The following C14orf132 variants were observed in gnomAD, a reference collection of about 807,000 sequenced individuals.
The protein encoded by C14orf132 is uncharacterized protein C14orf132.
In C14orf132, 6 loss-of-function variants were observed where a neutral mutation model predicts 5.8. The ratio of observed to expected loss-of-function variants is 1.03; its 90% confidence interval spans 0.57 to 2.04. The LOEUF is 2.04. C14orf132 is among the 30% of genes most tolerant of loss of function. The pLI is 0.00. For synonymous variants in C14orf132, 51 were observed against 49.8 expected, an observed-to-expected ratio of 1.02 and a Z score of -0.10; for missense variants, 125 against 115.8, an observed-to-expected ratio of 1.08 and a Z score of -0.37.
rs1218916410 is a variant in C14orf132, at chr14:96,091,030, G to A, written c.*4295G>A. The A allele has an allele frequency of 4.4e-6, 2 of 455,958 alleles. No individual in the cohort carries two copies. The highest frequency in any genetic ancestry group is 4.0e-5 in the African/African-American group (2 of 50,080). The allele number at this position is 455,958 out of a possible 1,614,324, so 28.2% of individuals were successfully genotyped here. On this transcript the variant is annotated 3_prime_UTR_variant, in exon 2 of 2. Coordinates refer to ENST00000555004, the MANE Select transcript of C14orf132 (RefSeq NM_001252507.3). ...CTCATTTACTTCTCAAATTGCCCCT[G>A]GGGGCAGGAATGAGGATGCAGAGAG...
chr14:96,040,195 A>G (rs78170889), intron 1 of C14orf132: 2 of 301,812 alleles, frequency 6.6e-6, no homozygotes, highest in South Asian at 1.5e-4. Flanking sequence ...TCACAGCTTG[A>G]ATTTTCCTCC....
At chr14:96,069,256 C>CATATATATATATAT (rs55648129) in intron 1 of C14orf132, among the ~76,000 whole-genome samples, 1 of 95,262 alleles carries the variant, frequency 1.0e-5, no homozygotes, top group Non-Finnish European at 2.2e-5. Flanking sequence ...TGTTTATGTT[C>CATATATATATATAT]ATATATATAT....
intron 1 of C14orf132, 102 bp from the exon 2 acceptor site, chr14:96,086,409 T>C (rs1888185971): frequency 9.9e-7 from 1 of 1,010,646 alleles, no homozygotes; most frequent in Non-Finnish European, 1.5e-6. Context: ...GTAGAGATCG[T>C]AGCTTCATGT....
intron 1 of C14orf132, among the ~76,000 whole-genome samples, chr14:96,061,879 A>G (rs1887368157): frequency 6.6e-6 from 1 of 152,168 alleles, no homozygotes; most frequent in African/African-American, 2.4e-5. Flanking sequence ...AACTGCATTC[A>G]GCCTGGGTGG....
At chr14:96,071,532 G>A (rs1026981956) in intron 1 of C14orf132, among the ~76,000 whole-genome samples, 1 of 152,190 alleles carries the variant, frequency 6.6e-6, no homozygotes, top group African/African-American at 2.4e-5. Flanking sequence ...CAAGTGTTCT[G>A]ATTGCCATCA....
chr14:96,043,376 T>C (rs1222827980), intron 1 of C14orf132, among the ~76,000 whole-genome samples: 2 of 152,206 alleles, frequency 1.3e-5, no homozygotes, highest in Non-Finnish European at 2.9e-5. Flanking sequence ...GGGAATGGGA[T>C]GGACAACAGA....
chr14:96,086,565 G>C lies in C14orf132; in HGVS notation c.82G>C (p.Glu28Gln). The change falls in exon 2 of 2, where the codon GAG becomes CAG. Residue 28 changes from glutamate to glutamine, a missense_variant. By Grantham distance (29) the Glu-to-Gln change is conservative. Transcript: ENST00000555004. ...MDSPNEDFSTEYSLFNSSANV... is the reference protein window; with the variant it reads ...MDSPNEDFSTQYSLFNSSANV... ...CTCGCCCAACGAGGACTTCAGCACCGAGTACTCCCTGTTTAACTCCTCTGC... is the reference window on the plus strand; with the variant it reads ...CTCGCCCAACGAGGACTTCAGCACCCAGTACTCCCTGTTTAACTCCTCTGC... The C allele has an allele frequency of 6.5e-7, 1 of 1,536,106 alleles. No individual in the cohort carries two copies. Among genetic ancestry groups the C allele is most frequent in the Non-Finnish European group, 8.7e-7 (1 of 1,146,898 alleles).
Position 96,086,549 on chromosome 14 carries a change from C to T in C14orf132, c.66C>T (p.Asn22=), listed in dbSNP as rs761816827. 2.5e-5 allele frequency: 39 copies of T among 1,535,986 alleles called. No homozygotes were observed. Among genetic ancestry groups the T allele is most frequent in the Middle Eastern group, 1.7e-4 (1 of 6,012 alleles). The change falls in exon 2 of 2, where the codon AAC becomes AAT. Residue 22 remains asparagine (N), a synonymous_variant. Transcript: ENST00000555004. The part of the protein sequence containing the change: ...MMGGAFMDSP[N]EDFSTEYSLF... The stretch of plus-strand genomic sequence containing the variant: ...GGGGAGCTTTCATGGACTCGCCCAA[C>T]GAGGACTTCAGCACCGAGTACTCCC...
intron 1 of C14orf132, among the ~76,000 whole-genome samples, chr14:96,044,826 G>C (rs1886791296): frequency 6.6e-6 from 1 of 152,160 alleles, no homozygotes; most frequent in South Asian, 2.1e-4. Context: ...GAGGACACCA[G>C]CCATATTGGC....
At chr14:96,052,691 C>T (rs971564539) in intron 1 of C14orf132, among the ~76,000 whole-genome samples, 13 of 152,180 alleles carry the variant, frequency 8.5e-5, no homozygotes, top group African/African-American at 3.1e-4. Flanking sequence ...CGGACAGCAC[C>T]AAGTCCCCCA....
intron 1 of C14orf132, among the ~76,000 whole-genome samples, chr14:96,077,878 G>T (rs930363194): frequency 3.9e-5 from 6 of 152,246 alleles, no homozygotes; most frequent in Admixed American, 3.9e-4. Flanking sequence ...AGTTATCAGA[G>T]CCTTTACTGT....
At chr14:96,068,253 C>T (rs945743728) in intron 1 of C14orf132, among the ~76,000 whole-genome samples, 7 of 152,172 alleles carry the variant, frequency 4.6e-5, no homozygotes, top group African/African-American at 1.4e-4. Flanking sequence ...TTCAGCAAAA[C>T]GGCCAGATTT....
At chr14:96,064,269 T>A (rs1341176078) in intron 1 of C14orf132, among the ~76,000 whole-genome samples, 2 of 151,760 alleles carry the variant, frequency 1.3e-5, no homozygotes, top group Non-Finnish European at 2.9e-5. Flanking sequence ...TGCACAGGCA[T>A]GTTTATAGCA....
Position 96,043,991 on chromosome 14 carries a change from A to G in C14orf132, c.27+4464A>G, listed in dbSNP as rs905250867. ...AAAGGGAGATTTGGAATGAATAGCCAGGGAGGCTCAGCCGGCAAACAGAGG... is the reference window on the plus strand; with the variant it reads ...AAAGGGAGATTTGGAATGAATAGCCGGGGAGGCTCAGCCGGCAAACAGAGG... On this transcript the variant is annotated intron_variant, in intron 1 of 1. Transcript: ENST00000555004. Among the ~76,000 whole-genome samples the G allele has an allele frequency of 3.4e-4, 51 of 152,160 alleles. 1 individual carries two copies. The highest frequency in any genetic ancestry group is 1.2e-4 in the Non-Finnish European group (8 of 68,042).
Position 96,083,402 on chromosome 14 carries a change from C to T in C14orf132, c.28-3109C>T, listed in dbSNP as rs57766204. 4.3e-4 allele frequency among the ~76,000 whole-genome samples: 65 copies of T among 152,268 alleles called. No individual in the cohort carries two copies. The East Asian group carries it at 0.01, about 24-fold the overall frequency. On this transcript the variant is annotated intron_variant, in intron 1 of 1. Coordinates refer to ENST00000555004, the MANE Select transcript of C14orf132 (RefSeq NM_001252507.3). Reference sequence around the variant, plus strand: ...ACCAAGGATGTCCACGTCCTAACCCCTAGAACCTGTGGATGGATTACCGTT... The same window carrying T: ...ACCAAGGATGTCCACGTCCTAACCCTTAGAACCTGTGGATGGATTACCGTT...
chr14:96,084,797 C>T (rs1435581609), intron 1 of C14orf132, among the ~76,000 whole-genome samples: 1 of 152,176 alleles, frequency 6.6e-6, no homozygotes, highest in African/African-American at 2.4e-5. Context: ...TGCCCTATTC[C>T]ATCCCCTCAA....
chr14:96,080,875 C>T (rs1183386229), intron 1 of C14orf132, among the ~76,000 whole-genome samples: 1 of 152,222 alleles, frequency 6.6e-6, no homozygotes, highest in Non-Finnish European at 1.5e-5. Context: ...AGCACTTAAT[C>T]CCACGGCCAC....
chr14:96,050,967 T>C (rs1036461140), intron 1 of C14orf132, among the ~76,000 whole-genome samples: 5 of 152,156 alleles, frequency 3.3e-5, no homozygotes, highest in African/African-American at 1.2e-4. Flanking sequence ...TTCCTCCTTT[T>C]CTCCCGTTGT....
intron 1 of C14orf132, among the ~76,000 whole-genome samples, chr14:96,041,976 C>G (rs963731484): frequency 6.6e-6 from 1 of 152,184 alleles, no homozygotes; most frequent in African/African-American, 2.4e-5. Context: ...GTAGTAGGTC[C>G]TCAAGTATTT....
Sources: gnomAD v4.1 joint callset for allele counts (sites outside exome capture counted in the v4.1 genomes callset) on GRCh38, gnomAD v4.1.1 for gene constraint, MANE v1.5 for transcripts, NCBI Gene and HGNC (gene_info 2026-07-23, HGNC 2026-07-21) for gene names.